The following CEP112 variants were observed in gnomAD, a reference collection of about 807,000 sequenced individuals.
The protein encoded by CEP112 is centrosomal protein 112, also known as centrosomal protein of 112 kDa.
CEP112 carries 127 observed loss-of-function variants against 153.0 expected under a neutral mutation model. That is an observed-to-expected ratio of 0.83 (90% confidence interval 0.72 to 0.96). The LOEUF is 0.96. Among genes scored for constraint, CEP112 ranks in the 40% least tolerant of loss-of-function variants. The pLI is 0.00. For synonymous variants in CEP112, 358 were observed against 374.4 expected (o/e 0.96, Z 0.51); for missense variants, 1,089 against 1,101.2 (o/e 0.99, Z 0.16).
intron 21 of CEP112, among the ~76,000 whole-genome samples, chr17:65,791,119 G>A (rs541896456): frequency 6.6e-6 from 1 of 152,210 alleles, no homozygotes; most frequent in Non-Finnish European, 1.5e-5. Flanking sequence ...TACAGCATTA[G>A]TGTAAATCTT....
At chr17:65,713,391 A>C (rs950807247) in intron 23 of CEP112, among the ~76,000 whole-genome samples, 2 of 152,202 alleles carry the variant, frequency 1.3e-5, no homozygotes, top group Non-Finnish European at 2.9e-5. Flanking sequence ...AAATATAGCT[A>C]ATGAAAACCT....
At chr17:65,821,514 TTATATATATATA>T (rs570389723) in intron 21 of CEP112, among the ~76,000 whole-genome samples, 1 of 50,170 alleles carries the variant, frequency 2.0e-5, no homozygotes, top group African/African-American at 8.0e-5. Context: ...ATATATATAA[TTATATATATATA>T]TATATATATA....
At chr17:65,950,220 A>G (rs1451839479) in intron 18 of CEP112, among the ~76,000 whole-genome samples, 2 of 152,108 alleles carry the variant, frequency 1.3e-5, no homozygotes, top group Non-Finnish European at 2.9e-5. Context: ...TTTTTTTTAA[A>G]CTTTACTAGT....
chr17:66,131,818 G>A (rs2070182570), intron 5 of CEP112, among the ~76,000 whole-genome samples: 1 of 151,994 alleles, frequency 6.6e-6, no homozygotes, highest in African/African-American at 2.4e-5. Flanking sequence ...TGTAACTCAA[G>A]ACAGCCAGAG....
chr17:65,925,783 T>C (rs1384674271), intron 19 of CEP112, among the ~76,000 whole-genome samples: 1 of 152,184 alleles, frequency 6.6e-6, no homozygotes, highest in Non-Finnish European at 1.5e-5. Context: ...AGACAGCAAA[T>C]GCTCAAAATA....
At chr17:66,008,775 A>G (rs2064383149) in intron 16 of CEP112, among the ~76,000 whole-genome samples, 1 of 152,168 alleles carries the variant, frequency 6.6e-6, no homozygotes, top group African/African-American at 2.4e-5. Flanking sequence ...TTCATGTATA[A>G]GGGAGATAAT....
intron 21 of CEP112, among the ~76,000 whole-genome samples, chr17:65,809,855 G>T (rs189737115): frequency 6.6e-5 from 10 of 152,042 alleles, no homozygotes; most frequent in Admixed American, 5.9e-4. Flanking sequence ...AAGGAAGTGG[G>T]GGGGGGAAGA....
intron 16 of CEP112, among the ~76,000 whole-genome samples, chr17:66,011,784 G>C (rs1002870681): frequency 1.3e-5 from 2 of 152,026 alleles, no homozygotes; most frequent in Admixed American, 6.6e-5. Flanking sequence ...TTTCTCCCTT[G>C]ATGATCTGAC....
intron 17 of CEP112, among the ~76,000 whole-genome samples, chr17:65,964,395 C>G (rs930519547): frequency 2.0e-5 from 3 of 152,126 alleles, no homozygotes; most frequent in Non-Finnish European, 2.9e-5. Context: ...TTAAATTGTT[C>G]TGGTGCATTT....
At chr17:65,716,786 C>G (rs1048484576) in intron 23 of CEP112, among the ~76,000 whole-genome samples, 3 of 151,608 alleles carry the variant, frequency 2.0e-5, no homozygotes, top group Admixed American at 6.6e-5. Context: ...GAAAAGGAAC[C>G]AGGAGACTAT....
At chr17:66,126,715 T>C (rs571955012) in intron 6 of CEP112, among the ~76,000 whole-genome samples, 5 of 152,278 alleles carry the variant, frequency 3.3e-5, no homozygotes, top group African/African-American at 9.6e-5. Context: ...AAGAATACAT[T>C]TGGGAATTTG....
chr17:65,874,612 T>A (rs867960186), intron 20 of CEP112, among the ~76,000 whole-genome samples: 9 of 152,136 alleles, frequency 5.9e-5, no homozygotes, highest in African/African-American at 2.2e-4. Flanking sequence ...GCTTCTCTCT[T>A]AAAATTTTAT....
intron 26 of CEP112, among the ~76,000 whole-genome samples, chr17:65,636,192 A>C (rs1186728618): frequency 6.6e-6 from 1 of 152,244 alleles, no homozygotes; most frequent in Admixed American, 6.5e-5. Context: ...TTTCCTTTTA[A>C]TTCAAAGCCA....
chr17:65,971,044 T>C (rs552848272), intron 17 of CEP112, among the ~76,000 whole-genome samples: 33 of 152,338 alleles, frequency 2.2e-4, no homozygotes, highest in African/African-American at 6.5e-4. Context: ...AAGAGGCTTG[T>C]ATTACATGTC....
chr17:65,681,723 G>A (rs1246934971), intron 24 of CEP112, among the ~76,000 whole-genome samples: 1 of 146,698 alleles, frequency 6.8e-6, no homozygotes, highest in East Asian at 2.0e-4. Context: ...GCCCAGGCTG[G>A]AGTACAGTGG....
intron 23 of CEP112, among the ~76,000 whole-genome samples, chr17:65,741,577 G>A (rs927776141): frequency 1.3e-5 from 2 of 151,164 alleles, no homozygotes; most frequent in African/African-American, 4.8e-5. Flanking sequence ...TTTAAAATGA[G>A]CAACTGTACT....
At chr17:66,051,181 G>A (rs1358294821) in intron 12 of CEP112, among the ~76,000 whole-genome samples, 2 of 149,820 alleles carry the variant, frequency 1.3e-5, no homozygotes, top group African/African-American at 4.9e-5. Flanking sequence ...GTCTCACCAT[G>A]TTACCCTGGA....
At chr17:65,843,504 CT>C in intron 21 of CEP112, among the ~76,000 whole-genome samples, 1 of 152,228 alleles carries the variant, frequency 6.6e-6, no homozygotes, top group East Asian at 1.9e-4. Flanking sequence ...GGAAATCCAT[CT>C]TAAGCCAAAA....
chr17:65,881,127 A>T (rs2059053950), intron 20 of CEP112, among the ~76,000 whole-genome samples: 1 of 152,136 alleles, frequency 6.6e-6, no homozygotes, highest in African/African-American at 2.4e-5. Context: ...AGGCAGGAGA[A>T]TCACACTTGA....
Sources: allele counts gnomAD v4.1 joint callset (sites outside exome capture counted in the v4.1 genomes callset), GRCh38; gene constraint gnomAD v4.1.1; transcripts MANE v1.5; gene names NCBI Gene and HGNC (gene_info 2026-07-23, HGNC 2026-07-21).